Variants in MTHFD1L observed in about 807,000 individuals in gnomAD.
The protein encoded by MTHFD1L is methylenetetrahydrofolate dehydrogenase (NADP+ dependent) 1 like.
MTHFD1L carries 81 observed loss-of-function variants against 119.5 expected under a neutral mutation model. The ratio of observed to expected loss-of-function variants is 0.68; its 90% CI spans 0.57 to 0.82. The LOEUF (loss-of-function observed/expected upper bound fraction) is 0.82. Ranked by LOEUF, MTHFD1L falls within the 40% of genes least tolerant of loss-of-function variation. MTHFD1L has a pLI of 0.00. For missense variants in MTHFD1L, 1,125 were observed against 1,253.4 expected, an observed-to-expected ratio of 0.90 and a Z score of 1.55; for synonymous variants, 430 against 475.2, an observed-to-expected ratio of 0.90 and a Z score of 1.24.
chr6:150,910,431 C>T (rs932663961), intron 8 of MTHFD1L, among the ~76,000 whole-genome samples: 2 of 150,650 alleles, frequency 1.3e-5, no homozygotes, highest in East Asian at 2.0e-4. Flanking sequence ...GGCATGGTGG[C>T]GCATGCCTGT....
At chr6:151,006,453 G>T (rs948963234) in intron 20 of MTHFD1L, among the ~76,000 whole-genome samples, 11 of 152,048 alleles carry the variant, frequency 7.2e-5, no homozygotes, top group African/African-American at 1.9e-4. Flanking sequence ...GTAGGGGAAG[G>T]AAGTTTACAC....
Position 150,911,633 on chromosome 6 carries a change from C to T in MTHFD1L, c.892+5872C>T, listed in dbSNP as rs192968359. Among the ~76,000 whole-genome samples, 281 of 152,104 alleles carry T rather than the reference C, an allele frequency of 1.8e-3. 1 individual carries two copies. Among genetic ancestry groups the T allele is most frequent in the South Asian group, 3.7e-3 (18 of 4,820 alleles). On this transcript the variant is annotated intron_variant, in intron 8 of 27. Coordinates refer to ENST00000367321, the MANE Select transcript of MTHFD1L (RefSeq NM_015440.5). ...TCACATATATCTTACATGGCCAGAG[C>T]AGGAGCAAGAGAGAGGGAGGGCGTA...
chr6:150,971,829 A>T (rs573571286), intron 19 of MTHFD1L, 118 bp from the exon 20 acceptor site: 2 of 752,164 alleles, frequency 2.7e-6, no homozygotes, highest in Admixed American at 2.5e-5. Context: ...GAAATATTTT[A>T]TGCATTAAAT....
chr6:150,994,653 A>C (rs73617000), intron 20 of MTHFD1L, among the ~76,000 whole-genome samples: 2,030 of 152,338 alleles, frequency 0.013, 38 homozygotes, highest in African/African-American at 0.047. Context: ...TCTTCTGTGC[A>C]TCACAGATCA....
At chr6:150,919,327 G>A (rs1367132287) in intron 9 of MTHFD1L, among the ~76,000 whole-genome samples, 2 of 151,570 alleles carry the variant, frequency 1.3e-5, no homozygotes, top group Non-Finnish European at 2.9e-5. Context: ...GGGTTTAAGA[G>A]ATTCTCATGC....
intron 18 of MTHFD1L, among the ~76,000 whole-genome samples, chr6:150,963,157 C>G (rs1408078061): frequency 6.6e-6 from 1 of 152,100 alleles, no homozygotes; most frequent in Non-Finnish European, 1.5e-5. Context: ...CCCAGGTGAT[C>G]CACCCGCCTT....
intron 20 of MTHFD1L, among the ~76,000 whole-genome samples, 166 bp downstream of exon 20, chr6:150,972,224 C>T (rs976584432): frequency 6.6e-5 from 10 of 152,066 alleles, no homozygotes; most frequent in African/African-American, 1.4e-4. Flanking sequence ...GGTCTATACT[C>T]GTGAAATTAT....
chr6:151,026,968 A>G (rs879744768), intron 24 of MTHFD1L, among the ~76,000 whole-genome samples: 1 of 151,238 alleles, frequency 6.6e-6, no homozygotes, highest in East Asian at 2.0e-4. Context: ...AGCTTTGACT[A>G]CAGGAATGCG....
At chr6:150,934,902 C>T (rs532385025) in intron 11 of MTHFD1L, 1 of 1,506,700 alleles carries the variant, frequency 6.6e-7, no homozygotes, top group South Asian at 1.4e-5. Context: ...GGATCAGCTA[C>T]CAAGAGAAAT....
At chr6:151,025,185 T>C (rs1252898518) in intron 24 of MTHFD1L, among the ~76,000 whole-genome samples, 1 of 152,214 alleles carries the variant, frequency 6.6e-6, no homozygotes, top group Admixed American at 6.5e-5. Flanking sequence ...ATTCCCTACA[T>C]GTAGGCGTCT....
intron 17 of MTHFD1L, chr6:150,959,116 T>G: frequency 9.0e-5 from 78 of 863,046 alleles, no homozygotes; most frequent in South Asian, 1.6e-4. Flanking sequence ...TGAGTTATAT[T>G]GAGAATGTAA....
intron 5 of MTHFD1L, among the ~76,000 whole-genome samples, chr6:150,884,636 C>A (rs1781919369): frequency 6.6e-6 from 1 of 152,116 alleles, no homozygotes; most frequent in East Asian, 1.9e-4. Flanking sequence ...CCAGGAAAAA[C>A]CAACCAAACA....
In MTHFD1L at chr6:150,994,691, C is replaced by T. The variant is rs181285971; in HGVS notation, c.2126-15128C>T. On this transcript the variant is annotated intron_variant, in intron 20 of 27. Coordinates refer to ENST00000367321, the MANE Select transcript of MTHFD1L (RefSeq NM_015440.5). ...TTTGAAAAAGAGTTTAGGACACATCCAATAGTAAGAGTGTAGTTTTATAAA... is the reference window on the plus strand; with the variant it reads ...TTTGAAAAAGAGTTTAGGACACATCTAATAGTAAGAGTGTAGTTTTATAAA... Among the ~76,000 whole-genome samples, 6 of 152,234 alleles carry T rather than the reference C, an allele frequency of 3.9e-5. No individual in the cohort carries two copies. In the East Asian group the frequency reaches 1.2e-3, roughly 29 times the overall value.
In MTHFD1L at chr6:150,926,267, G is replaced by A; in HGVS notation, c.1228G>A (p.Ala410Thr). The A allele has an allele frequency of 6.2e-7, 1 of 1,613,030 alleles. No homozygotes were observed. Among genetic ancestry groups the A allele is most frequent in the South Asian group, 1.1e-5 (1 of 91,004 alleles). Residue 410 changes from alanine to threonine, a missense_variant, in exon 11 of 28, where the codon GCA (alanine) becomes ACA (threonine). Transcript: ENST00000367321. The surrounding 1 kb of genome is among the most constrained non-coding windows in gnomAD (Gnocchi z 4.3). Reference sequence around the variant, plus strand: ...CGTGCTAGAAAGGTTAAAGGATCAAGCAGATGGAAAATACGTCTTAGTTGC... The same window carrying A: ...CGTGCTAGAAAGGTTAAAGGATCAAACAGATGGAAAATACGTCTTAGTTGC... ...LSVLERLKDQ[A>T]DGKYVLVAGI...
At chr6:150,960,515 A>G in intron 18 of MTHFD1L, 100 bp downstream of exon 18, 1 of 1,432,596 alleles carries the variant, frequency 7.0e-7, no homozygotes, top group Non-Finnish European at 9.3e-7. Context: ...GAGTGTAATG[A>G]GGATACAGAA....
In MTHFD1L at chr6:150,884,082, G is replaced by T. The variant is rs139141289; in HGVS notation, c.542+1196G>T. Among the ~76,000 whole-genome samples, 477 of 151,818 alleles carry T rather than the reference G, an allele frequency of 3.1e-3. 2 individuals carry two copies. Among genetic ancestry groups the T allele is most frequent in the African/African-American group, 0.011 (436 of 41,420 alleles). ...GCACTTTGGGAGGCCAAGGCAGGAG[G>T]ATCTCTTGATCTCAGGAGGTCAAGA... On this transcript the variant is annotated intron_variant, in intron 5 of 27. Transcript: ENST00000367321.
At chr6:150,934,530 C>T (rs1791715654) in intron 11 of MTHFD1L, among the ~76,000 whole-genome samples, 2 of 152,196 alleles carry the variant, frequency 1.3e-5, no homozygotes, top group South Asian at 4.1e-4. Context: ...ATCATTTTGT[C>T]CCCAGCGTCT....
intron 9 of MTHFD1L, among the ~76,000 whole-genome samples, chr6:150,920,852 A>C (rs1291587403): frequency 6.6e-6 from 1 of 151,866 alleles, no homozygotes; most frequent in Admixed American, 6.6e-5. Context: ...AGCTCACTGC[A>C]GCCTCCACCT....
chr6:150,964,956 C>T lies in MTHFD1L; in HGVS notation c.1945-13C>T. 1 of 1,612,508 alleles carries T rather than the reference C, an allele frequency of 6.2e-7. No individual in the cohort carries two copies. Among genetic ancestry groups the T allele is most frequent in the Non-Finnish European group, 8.5e-7 (1 of 1,178,686 alleles). On this transcript the variant is annotated splice_polypyrimidine_tract_variant and intron_variant, in intron 18 of 27. Coordinates refer to ENST00000367321, the MANE Select transcript of MTHFD1L (RefSeq NM_015440.5). ...ATTTTGTCAGGAATCTAATGTTTTT[C>T]TCTCTCCTGTAGGGGGTGACAGGTG...
Sources: allele counts gnomAD v4.1 joint callset (sites outside exome capture counted in the v4.1 genomes callset), GRCh38; gene constraint gnomAD v4.1.1; non-coding constraint Gnocchi (gnomAD v3.1); transcripts MANE v1.5; gene names NCBI Gene and HGNC (gene_info 2026-07-23, HGNC 2026-07-21).